The following TMEM74 variants were observed in gnomAD, a reference collection of about 807,000 sequenced individuals.
The protein encoded by TMEM74 is transmembrane protein 74.
TMEM74 carries 13 observed loss-of-function variants against 18.1 expected under a neutral mutation model. The ratio of observed to expected loss-of-function variants is 0.72; its 90% CI spans 0.47 to 1.14. The LOEUF is 1.14. Among genes scored for constraint, TMEM74 ranks in the 50% most tolerant of loss-of-function variants. The pLI is 0.00. For synonymous variants in TMEM74, 159 were observed against 146.6 expected, an observed-to-expected ratio of 1.08 and a Z score of -0.61; for missense variants, 372 against 375.9, an observed-to-expected ratio of 0.99 and a Z score of 0.09.
Position 108,784,914 on chromosome 8 carries a change from G to T in TMEM74, c.185C>A (p.Ser62Tyr), listed in dbSNP as rs570860881. The T allele has an allele frequency of 1.9e-6, 3 of 1,614,186 alleles. No individual in the cohort carries two copies. Among genetic ancestry groups the T allele is most frequent in the Non-Finnish European group, 2.5e-6 (3 of 1,180,038 alleles). ...AGAGGAGGAGGGGGATGCTGGAGAA[G>T]AACTAAGTTTAGACCCTTCCATCTC... Reference protein sequence around the residue: ...ATEMEGSKLSSSPASPSSSLQ... With the variant: ...ATEMEGSKLSYSPASPSSSLQ... Residue 62 changes from serine to tyrosine, a missense_variant, in exon 2 of 2, where the codon TCT becomes TAT. By Grantham distance (144) the Ser-to-Tyr change is moderately radical. Coordinates refer to ENST00000297459, the MANE Select transcript of TMEM74 (RefSeq NM_153015.3).
chr8:108,664,071 T>C (rs1357463003), intron 1 of TMEM74, among the ~76,000 whole-genome samples: 2 of 152,116 alleles, frequency 1.3e-5, no homozygotes, highest in African/African-American at 4.8e-5. Context: ...CATTTACCTA[T>C]GTAACAAAAC....
intron 1 of TMEM74, among the ~76,000 whole-genome samples, chr8:108,695,893 C>T (rs946431123): frequency 1.3e-5 from 2 of 152,140 alleles, no homozygotes; most frequent in Middle Eastern, 3.2e-3. Context: ...GGGGTCTTCT[C>T]TTTTTTCACT....
At chr8:108,749,585 G>A (rs1813884862) in intron 1 of TMEM74, among the ~76,000 whole-genome samples, 1 of 152,160 alleles carries the variant, frequency 6.6e-6, no homozygotes, top group African/African-American at 2.4e-5. Flanking sequence ...ATAGGATCAT[G>A]TCATCTGCAA....
chr8:108,616,802 G>A (rs1005886851), intron 2 of TMEM74, among the ~76,000 whole-genome samples: 1 of 152,052 alleles, frequency 6.6e-6, no homozygotes, highest in African/African-American at 2.4e-5. Flanking sequence ...GCTCTATGAT[G>A]TAGCACTATT....
chr8:108,677,984 G>C (rs1813071092), intron 1 of TMEM74, among the ~76,000 whole-genome samples: 1 of 152,102 alleles, frequency 6.6e-6, no homozygotes, highest in Non-Finnish European at 1.5e-5. Context: ...ATAGACTTGA[G>C]AGATATCCAG....
At chr8:108,627,212 G>A (rs1485953257) in intron 2 of TMEM74, among the ~76,000 whole-genome samples, 1 of 151,974 alleles carries the variant, frequency 6.6e-6, no homozygotes, top group Non-Finnish European at 1.5e-5. Context: ...CTTTCAGATT[G>A]ACCTCCCTCC....
At chr8:108,652,549 A>ATTTGG in intron 2 of TMEM74, 1 of 556,438 alleles carries the variant, frequency 1.8e-6, no homozygotes, top group Non-Finnish European at 3.4e-6. Flanking sequence ...TTCTCAAACA[A>ATTTGG]TTTGGTTTTC....
At chr8:108,743,325 A>C (rs1171955240) in intron 1 of TMEM74, among the ~76,000 whole-genome samples, 4 of 152,082 alleles carry the variant, frequency 2.6e-5, no homozygotes, top group African/African-American at 4.8e-5. Flanking sequence ...ATTTAGCTCA[A>C]CTCTCTCTTT....
intron 2 of TMEM74, among the ~76,000 whole-genome samples, chr8:108,634,232 C>G (rs1371130748): frequency 4.6e-5 from 7 of 151,926 alleles, no homozygotes; most frequent in Admixed American, 4.6e-4. Context: ...ATAAAAAACT[C>G]TCCTCCCCAC....
chr8:108,608,905 A>C (rs1286261599), intron 2 of TMEM74: 2 of 152,236 alleles, frequency 1.3e-5, no homozygotes. Flanking sequence ...AAGGAAAAAA[A>C]GTGTTTGGCC....
chr8:108,763,407 T>G (rs1207175415), intron 1 of TMEM74, among the ~76,000 whole-genome samples: 1 of 152,170 alleles, frequency 6.6e-6, no homozygotes, highest in Non-Finnish European at 1.5e-5. Context: ...AACCTAGGCA[T>G]GAAATAGTTT....
chr8:108,742,663 G>T (rs758663867), intron 1 of TMEM74, among the ~76,000 whole-genome samples: 1 of 152,100 alleles, frequency 6.6e-6, no homozygotes, highest in Non-Finnish European at 1.5e-5. Context: ...ATTTGCTAAG[G>T]CAGTAACTAT....
At chr8:108,759,303 G>A (rs959538360) in intron 1 of TMEM74, among the ~76,000 whole-genome samples, 2 of 151,826 alleles carry the variant, frequency 1.3e-5, no homozygotes, top group African/African-American at 4.8e-5. Flanking sequence ...TTGGTGGAAG[G>A]GTAAATTCCA....
chr8:108,619,361 G>A (rs1384525056), intron 2 of TMEM74, among the ~76,000 whole-genome samples: 1 of 152,242 alleles, frequency 6.6e-6, no homozygotes, highest in South Asian at 2.1e-4. Context: ...CCTGCAGACG[G>A]TTCTGAATCT....
intron 2 of TMEM74, among the ~76,000 whole-genome samples, chr8:108,632,804 G>A (rs1440217229): frequency 6.6e-6 from 1 of 151,962 alleles, no homozygotes; most frequent in African/African-American, 2.4e-5. Flanking sequence ...GGGAGTCTCT[G>A]AACCTTAATT....
intron 1 of TMEM74, among the ~76,000 whole-genome samples, chr8:108,764,714 G>A (rs1271392717): frequency 2.0e-5 from 3 of 152,126 alleles, no homozygotes; most frequent in Non-Finnish European, 4.4e-5. Flanking sequence ...GAGGGAATAT[G>A]AGCTTGAACT....
At position 108,684,969 on chromosome 8, in the gene TMEM74, G is replaced by A. The variant is rs564596729; in HGVS notation, n.120-29532C>T. On this transcript the variant is annotated intron_variant and non_coding_transcript_variant, in intron 1 of 3. Transcript: ENST00000518838. The stretch of plus-strand genomic sequence containing the variant: ...TAGGAGTTTTTTCTATGTCTGTGAA[G>A]AATGTCATTGGTATTTTGATAGGGA... Among the ~76,000 whole-genome samples the A allele has an allele frequency of 2.8e-4, 42 of 152,116 alleles. No homozygotes were observed. The South Asian group carries it at 8.5e-3, about 31-fold the overall frequency.
intron 1 of TMEM74, among the ~76,000 whole-genome samples, chr8:108,745,084 A>G (rs1813836428): frequency 6.6e-6 from 1 of 152,180 alleles, no homozygotes; most frequent in African/African-American, 2.4e-5. Flanking sequence ...AAGTCATAAG[A>G]TCTGCATTTA....
At chr8:108,720,218 T>C (rs1165099538) in intron 1 of TMEM74, among the ~76,000 whole-genome samples, 2 of 152,136 alleles carry the variant, frequency 1.3e-5, no homozygotes, top group East Asian at 3.9e-4. Context: ...GATATCCAAA[T>C]TTATTTTAAA....
Sources: gnomAD v4.1 joint callset for allele counts (sites outside exome capture counted in the v4.1 genomes callset) on GRCh38, gnomAD v4.1.1 for gene constraint, MANE v1.5 for transcripts, NCBI Gene and HGNC (gene_info 2026-07-23, HGNC 2026-07-21) for gene names.